FER1L6: variants seen among roughly 807,000 people sequenced by gnomAD.
The protein encoded by FER1L6 is fer-1 like family member 6, also known as fer-1-like protein 6.
A neutral mutation model predicts 219.2 loss-of-function variants in FER1L6; 177 were observed. The observed-to-expected ratio is 0.81, with a 90% confidence interval of 0.71 to 0.91. The LOEUF is 0.91. Among genes scored for constraint, FER1L6 ranks in the 40% least tolerant of loss-of-function variants. The pLI, the probability that FER1L6 is intolerant of heterozygous loss-of-function variation, is 0.00. For missense variants in FER1L6, 2,153 were observed against 2,259.9 expected (o/e 0.95, Z 0.96); for synonymous variants, 768 against 824.3 (o/e 0.93, Z 1.17).
chr8:123,858,184 T>TAGGCTGATA (rs1388620589), intron 1 of FER1L6, among the ~76,000 whole-genome samples: 5 of 152,184 alleles, frequency 3.3e-5, no homozygotes, highest in African/African-American at 1.2e-4. Context: ...AACAATTACA[T>TAGGCTGATA]AGGCTGATAA....
At chr8:123,899,669 G>T (rs1812823002) in intron 1 of FER1L6, among the ~76,000 whole-genome samples, 2 of 151,794 alleles carry the variant, frequency 1.3e-5, no homozygotes, top group African/African-American at 4.8e-5. Context: ...TCCTTGAGTT[G>T]ACTTTTGTAT....
At chr8:123,894,432 G>A (rs539747371) in intron 1 of FER1L6, among the ~76,000 whole-genome samples, 16 of 152,244 alleles carry the variant, frequency 1.1e-4, no homozygotes, top group South Asian at 2.1e-4. Flanking sequence ...CTTTCTATGC[G>A]GTGAGCAGCA....
In FER1L6 at chr8:124,066,436, G is replaced by A. The variant is rs769891329; in HGVS notation, c.3564G>A (p.Arg1188=). The change falls in exon 27 of 41, where the codon AGG becomes AGA. Residue 1188 remains arginine (R), a synonymous_variant. Transcript: ENST00000522917. ...PPKDGKPKDP[R]KPSRRSTKRR... ...CCCTCATCCCTTGCCAGGATCCCAG[G>A]AAGCCTTCCCGGAGGTCCACTAAGA... 1 of 1,613,758 alleles carries A rather than the reference G, an allele frequency of 6.2e-7. No individual in the cohort carries two copies. Among genetic ancestry groups the A allele is most frequent in the Non-Finnish European group, 8.5e-7 (1 of 1,179,832 alleles).
chr8:123,879,604 C>G lies in FER1L6; in HGVS notation c.-8+27419C>G, dbSNP rs1303438645. 4.9e-4 allele frequency among the ~76,000 whole-genome samples: 75 copies of G among 152,120 alleles called. 1 individual carries two copies. The highest frequency in any genetic ancestry group is 1.5e-5 in the Non-Finnish European group (1 of 68,022). ...CCTCCCAAAGTGCTGGGATTACAGG[C>G]ATGAACCACCGTGCCTGGCCGGAGT... On this transcript the variant is annotated intron_variant, in intron 1 of 40. Coordinates refer to ENST00000522917, the MANE Select transcript of FER1L6 (RefSeq NM_001039112.2).
At chr8:124,064,844 A>G (rs558822756) in intron 26 of FER1L6, among the ~76,000 whole-genome samples, 1 of 152,334 alleles carries the variant, frequency 6.6e-6, no homozygotes, top group East Asian at 1.9e-4. Flanking sequence ...ATTAGCTTGG[A>G]AAGGCCATGG....
At chr8:123,914,439 GAC>G (rs774141771) in intron 1 of FER1L6, among the ~76,000 whole-genome samples, 1 of 152,192 alleles carries the variant, frequency 6.6e-6, no homozygotes, top group Non-Finnish European at 1.5e-5. Flanking sequence ...CTCTTTGTGG[GAC>G]AGTTTGCTTC....
chr8:123,887,896 T>C (rs563144886), intron 1 of FER1L6, among the ~76,000 whole-genome samples: 2 of 152,298 alleles, frequency 1.3e-5, no homozygotes, highest in South Asian at 4.1e-4. Context: ...AAAGTTTAGA[T>C]AGTAAAATAT....
intron 2 of FER1L6, among the ~76,000 whole-genome samples, chr8:123,960,889 C>T (rs116487828): frequency 5.1e-4 from 77 of 152,242 alleles, no homozygotes; most frequent in African/African-American, 1.7e-3. Flanking sequence ...CAGAATATCA[C>T]ACATTGCTAC....
At chr8:123,965,826 T>C (rs147950485) in intron 3 of FER1L6, among the ~76,000 whole-genome samples, 181 bp from the exon 4 acceptor site, 51 of 152,334 alleles carry the variant, frequency 3.3e-4, no homozygotes, top group African/African-American at 1.2e-3. Context: ...AGCTCCATTT[T>C]TAGGATGAGA....
At chr8:123,971,376 G>T (rs1815805880) in intron 6 of FER1L6, among the ~76,000 whole-genome samples, 1 of 152,192 alleles carries the variant, frequency 6.6e-6, no homozygotes, top group Admixed American at 6.5e-5. Flanking sequence ...CAGGACCTGG[G>T]ACAATGCCCA....
rs564813732 is a variant in FER1L6, at chr8:123,896,068, G to A, written c.-8+43883G>A. ...TAGAGGGCTTGTTCTGGAGGCAGCCGCTCTAGGAAGAGCAAGTGCTGTCCG... is the reference window on the plus strand; with the variant it reads ...TAGAGGGCTTGTTCTGGAGGCAGCCACTCTAGGAAGAGCAAGTGCTGTCCG... On this transcript the variant is annotated intron_variant, in intron 1 of 40. Transcript: ENST00000522917. Among the ~76,000 whole-genome samples the A allele has an allele frequency of 2.7e-3, 404 of 152,228 alleles. 1 individual carries two copies. The highest frequency in any genetic ancestry group is 4.3e-3 in the Non-Finnish European group (294 of 68,004).
intron 11 of FER1L6, among the ~76,000 whole-genome samples, chr8:123,981,081 G>A (rs778028980): frequency 8.5e-5 from 13 of 152,136 alleles, no homozygotes; most frequent in Admixed American, 6.6e-4. Context: ...AAAGTGCTCC[G>A]GAGGAGTTGG....
intron 39 of FER1L6, among the ~76,000 whole-genome samples, chr8:124,112,700 T>C (rs963671133): frequency 7.9e-5 from 12 of 152,218 alleles, no homozygotes; most frequent in Admixed American, 7.9e-4. Context: ...TCAGCATCTA[T>C]TATGGCTACA....
At chr8:124,029,050 T>C (rs1021221746) in intron 18 of FER1L6, among the ~76,000 whole-genome samples, 2 of 152,210 alleles carry the variant, frequency 1.3e-5, no homozygotes, top group Admixed American at 1.3e-4. Context: ...TGTTCCTGTG[T>C]TAGTTTGCTG....
At chr8:123,869,335 C>G (rs1586430356) in intron 1 of FER1L6, among the ~76,000 whole-genome samples, 1 of 152,306 alleles carries the variant, frequency 6.6e-6, no homozygotes, top group East Asian at 1.9e-4. Context: ...CCGAGCACAT[C>G]TCTTCCCCTG....
Position 123,966,029 on chromosome 8 carries a change from C to T in FER1L6, c.220C>T (p.His74Tyr). ...KRRSKLLTKI[H>Y]DGEVRSQNYQ... ...TAGATCAAAACTGTTGACTAAGATC[C>T]ATGATGGGGAGGTCAGATCCCAAAA... The change falls in exon 4 of 41, where the codon CAT becomes TAT. Residue 74 changes from histidine (H) to tyrosine (Y), a missense_variant. Coordinates refer to ENST00000522917, the MANE Select transcript of FER1L6 (RefSeq NM_001039112.2). The T allele has an allele frequency of 6.2e-7, 1 of 1,613,500 alleles. No individual in the cohort carries two copies. Among genetic ancestry groups the T allele is most frequent in the Non-Finnish European group, 8.5e-7 (1 of 1,179,690 alleles).
chr8:124,109,624 C>A (rs1822931124), intron 39 of FER1L6, among the ~76,000 whole-genome samples: 1 of 152,190 alleles, frequency 6.6e-6, no homozygotes, highest in Admixed American at 6.5e-5. Context: ...AGGATAGGAG[C>A]TTCTAATTAA....
At chr8:124,095,098 T>G (rs1433466087) in intron 35 of FER1L6, 60 bp downstream of exon 35, 1 of 1,592,514 alleles carries the variant, frequency 6.3e-7, no homozygotes, top group African/African-American at 1.3e-5. Context: ...GAGTAATGGT[T>G]TTCATCCAGG....
chr8:124,082,817 A>G (rs957971204), intron 33 of FER1L6, among the ~76,000 whole-genome samples: 1 of 152,216 alleles, frequency 6.6e-6, no homozygotes, highest in African/African-American at 2.4e-5. Context: ...CAAGCTAATT[A>G]TAACACTCAT....
Sources: gnomAD v4.1 joint callset for allele counts (sites outside exome capture counted in the v4.1 genomes callset) on GRCh38, gnomAD v4.1.1 for gene constraint, MANE v1.5 for transcripts, NCBI Gene and HGNC (gene_info 2026-07-23, HGNC 2026-07-21) for gene names.